KLHL14: variants seen among roughly 807,000 people sequenced by gnomAD.
KLHL14 encodes the protein kelch-like protein 14.
A neutral mutation model predicts 64.3 loss-of-function variants in KLHL14; 22 were observed. That is an observed-to-expected ratio of 0.34 (90% CI 0.24 to 0.49). The LOEUF is 0.49. Ranked by LOEUF, KLHL14 falls within the 20% of genes least tolerant of loss-of-function variation. KLHL14 has a pLI of 0.99. For missense variants in KLHL14, 661 were observed against 789.0 expected (o/e 0.84, Z 1.94); for synonymous variants, 322 against 333.4 (o/e 0.97, Z 0.37).
chr18:32,728,534 T>G (rs1309905475), intron 3 of KLHL14, among the ~76,000 whole-genome samples: 2 of 152,184 alleles, frequency 1.3e-5, no homozygotes, highest in Non-Finnish European at 2.9e-5. Flanking sequence ...AAAAGTTATG[T>G]CAAGTCCTTA....
intron 2 of KLHL14, among the ~76,000 whole-genome samples, chr18:32,761,393 C>CCTTT (rs759017668): frequency 7.9e-6 from 1 of 127,070 alleles, no homozygotes; most frequent in Admixed American, 8.0e-5. Context: ...GCCACACATC[C>CCTTT]TTTTTTTTTT....
chr18:32,693,142 C>T (rs1471580308), intron 4 of KLHL14, among the ~76,000 whole-genome samples: 1 of 152,074 alleles, frequency 6.6e-6, no homozygotes, highest in Non-Finnish European at 1.5e-5. Context: ...CACCTCATTG[C>T]CTTCCCTCAT....
chr18:32,725,669 G>A (rs1238037064), intron 3 of KLHL14, among the ~76,000 whole-genome samples: 1 of 152,210 alleles, frequency 6.6e-6, no homozygotes, highest in Non-Finnish European at 1.5e-5. Flanking sequence ...CAGTCATGGA[G>A]GTAGACATAA....
intron 3 of KLHL14, among the ~76,000 whole-genome samples, chr18:32,719,842 G>A (rs1045491853): frequency 3.9e-5 from 6 of 152,198 alleles, no homozygotes; most frequent in Non-Finnish European, 5.9e-5. Context: ...GGAGTTACCC[G>A]GGTGCTTGGT....
chr18:32,681,811 A>G (rs1448436052), intron 5 of KLHL14, among the ~76,000 whole-genome samples: 1 of 152,216 alleles, frequency 6.6e-6, no homozygotes, highest in Non-Finnish European at 1.5e-5. Context: ...TTTATGAAGT[A>G]CCAAAACACT....
At chr18:32,747,631 G>A (rs536733542) in intron 2 of KLHL14, among the ~76,000 whole-genome samples, 1 of 152,120 alleles carries the variant, frequency 6.6e-6, no homozygotes, top group African/African-American at 2.4e-5. Flanking sequence ...AGCTTCACTC[G>A]CTTGCCCACC....
At chr18:32,690,993 G>T (rs777731719) in intron 4 of KLHL14, among the ~76,000 whole-genome samples, 5 of 152,156 alleles carry the variant, frequency 3.3e-5, no homozygotes, top group Non-Finnish European at 7.3e-5. Flanking sequence ...CCTCAAGAAA[G>T]AGTTGTCTAG....
intron 2 of KLHL14, among the ~76,000 whole-genome samples, chr18:32,761,393 CT>C (rs10676001): frequency 0.014 from 1,756 of 127,036 alleles, 27 homozygotes; most frequent in Admixed American, 0.049. Context: ...GCCACACATC[CT>C]TTTTTTTTTT....
chr18:32,748,629 C>T lies in KLHL14; in HGVS notation c.948-6580G>A, dbSNP rs370913278. ...TCGGCCTCCCAAAGTGCTGGGATTA[C>T]AGGCGTGAGCCACCGCACCAGGCTT... is the stretch of plus-strand genomic sequence containing the variant. On this transcript the variant is annotated intron_variant, in intron 2 of 8. Coordinates refer to ENST00000359358, the MANE Select transcript of KLHL14 (RefSeq NM_020805.3). Among the ~76,000 whole-genome samples the T allele has an allele frequency of 2.9e-3, 432 of 149,552 alleles. 2 individuals carry two copies. The highest frequency in any genetic ancestry group is 0.01 in the African/African-American group (413 of 40,830).
intron 4 of KLHL14, among the ~76,000 whole-genome samples, chr18:32,689,928 G>T (rs558959822): frequency 2.4e-4 from 36 of 152,318 alleles, no homozygotes; most frequent in Non-Finnish European, 4.7e-4. Context: ...TTACCTTGGA[G>T]GGTAGAAAGG....
intron 5 of KLHL14, among the ~76,000 whole-genome samples, chr18:32,681,210 G>A (rs187501041): frequency 5.9e-5 from 9 of 152,114 alleles, no homozygotes; most frequent in African/African-American, 2.2e-4. Context: ...TTCTTAAAAG[G>A]CTATAAGATA....
chr18:32,726,777 T>G (rs2050110424), intron 3 of KLHL14, among the ~76,000 whole-genome samples: 1 of 152,216 alleles, frequency 6.6e-6, no homozygotes. Context: ...TGCAGATAAC[T>G]GCAACCGAGA....
At chr18:32,717,873 C>A (rs1446357946) in intron 3 of KLHL14, among the ~76,000 whole-genome samples, 1 of 152,202 alleles carries the variant, frequency 6.6e-6, no homozygotes, top group Non-Finnish European at 1.5e-5. Flanking sequence ...AGACTAACCA[C>A]ATTCCATCCT....
intron 4 of KLHL14, among the ~76,000 whole-genome samples, chr18:32,693,743 G>C (rs547268105): frequency 8.5e-5 from 13 of 152,226 alleles, no homozygotes; most frequent in Middle Eastern, 3.4e-3. Flanking sequence ...CATATTCACT[G>C]ATGGCTTTAA....
intron 4 of KLHL14, among the ~76,000 whole-genome samples, chr18:32,695,081 G>A (rs2049930339): frequency 6.6e-6 from 1 of 152,154 alleles, no homozygotes; most frequent in Non-Finnish European, 1.5e-5. Context: ...TGCAACCCAC[G>A]TTATTATATT....
chr18:32,772,282 T>G (rs2050393886), intron 1 of KLHL14: 1 of 384,104 alleles, frequency 2.6e-6, no homozygotes, highest in Non-Finnish European at 5.4e-6. Flanking sequence ...TACCATCCCG[T>G]TCCAGGTGGA....
At chr18:32,711,757 C>T (rs771700852) in intron 3 of KLHL14, among the ~76,000 whole-genome samples, 63 of 152,116 alleles carry the variant, frequency 4.1e-4, no homozygotes, top group African/African-American at 1.5e-3. Flanking sequence ...CCTCCTGATT[C>T]AGCTTAGTTT....
chr18:32,702,938 A>G (rs1374532273), intron 3 of KLHL14, among the ~76,000 whole-genome samples: 1 of 152,238 alleles, frequency 6.6e-6, no homozygotes, highest in Non-Finnish European at 1.5e-5. Flanking sequence ...AGGCTGTGCA[A>G]GAACGAAGAG....
chr18:32,688,821 A>G (rs971861774), intron 4 of KLHL14, among the ~76,000 whole-genome samples: 3 of 152,106 alleles, frequency 2.0e-5, no homozygotes, highest in Admixed American at 6.6e-5. Context: ...TAAAGAGTAG[A>G]CTATAGGAGG....
Sources: gnomAD v4.1 joint callset for allele counts (sites outside exome capture counted in the v4.1 genomes callset) on GRCh38, gnomAD v4.1.1 for gene constraint, MANE v1.5 for transcripts, NCBI Gene and HGNC (gene_info 2026-07-23, HGNC 2026-07-21) for gene names.